EXOC4: variants seen among roughly 807,000 people sequenced by gnomAD.
EXOC4 encodes the protein SEC8-like 1.
Under a neutral mutation model 107.2 loss-of-function variants are expected in EXOC4, and 71 were observed. The ratio of observed to expected loss-of-function variants is 0.66; its 90% CI spans 0.55 to 0.81. EXOC4 has a LOEUF of 0.81. Among genes scored for constraint, EXOC4 ranks in the 30% least tolerant of loss-of-function variants. The probability of loss-of-function intolerance (pLI) is 0.00; values close to 1 mark genes in which losing one functional copy is unlikely to be tolerated. For synonymous variants in EXOC4, 456 were observed against 441.2 expected (o/e 1.03, Z -0.42); for missense variants, 1,108 against 1,189.6 (o/e 0.93, Z 1.01).
chr7:133,421,007 G>A lies in EXOC4; in HGVS notation c.1182+46005G>A, dbSNP rs1343327635. ...CCTTTCCCTTTTACTATTCCATTTTGATGATAGGGGTTGGTGTAAACTAAT... is the reference window on the plus strand; with the variant it reads ...CCTTTCCCTTTTACTATTCCATTTTAATGATAGGGGTTGGTGTAAACTAAT... On this transcript the variant is annotated intron_variant, in intron 7 of 17. Transcript: ENST00000253861. 4.0e-5 allele frequency among the ~76,000 whole-genome samples: 6 copies of A among 151,628 alleles called. No homozygotes were observed. In the East Asian group the frequency reaches 7.8e-4, roughly 20 times the overall value.
intron 9 of EXOC4, among the ~76,000 whole-genome samples, chr7:133,580,716 C>A (rs991421413): frequency 2.0e-5 from 3 of 152,182 alleles, no homozygotes; most frequent in Non-Finnish European, 4.4e-5. Flanking sequence ...TTAATACCTC[C>A]CGCACATATG....
chr7:133,688,860 A>T (rs1272471413), intron 10 of EXOC4, among the ~76,000 whole-genome samples: 2 of 152,178 alleles, frequency 1.3e-5, no homozygotes, highest in East Asian at 1.9e-4. Flanking sequence ...TATCTCATCT[A>T]CTAGTCAGGC....
chr7:134,021,793 C>T lies in EXOC4; in HGVS notation c.2687+13958C>T, dbSNP rs376895308. Among the ~76,000 whole-genome samples, 32 of 149,400 alleles carry T rather than the reference C, an allele frequency of 2.1e-4. No individual in the cohort carries two copies. The East Asian group carries it at 5.7e-3, about 27-fold the overall frequency. ...CTTGATTGACTTCTTTCTCTTGACA[C>T]ACACGGTCAGGGGAAGGAATGGATC... On this transcript the variant is annotated intron_variant, in intron 17 of 17. Transcript: ENST00000253861.
intron 7 of EXOC4, among the ~76,000 whole-genome samples, chr7:133,423,623 G>C (rs1352850676): frequency 1.3e-5 from 2 of 152,202 alleles, no homozygotes; most frequent in South Asian, 4.1e-4. Flanking sequence ...ATAGTGAGAG[G>C]TGACAACGTG....
At chr7:133,541,482 A>G (rs942214726) in intron 9 of EXOC4, among the ~76,000 whole-genome samples, 20 of 152,118 alleles carry the variant, frequency 1.3e-4, no homozygotes, top group African/African-American at 4.6e-4. Context: ...ATTTGTTTTT[A>G]TGTTATGTTA....
At chr7:133,873,842 T>A (rs1253912655) in intron 11 of EXOC4, among the ~76,000 whole-genome samples, 2 of 152,198 alleles carry the variant, frequency 1.3e-5, no homozygotes, top group Non-Finnish European at 2.9e-5. Flanking sequence ...AGCTTTGATA[T>A]TCTGATTTTT....
intron 11 of EXOC4, among the ~76,000 whole-genome samples, chr7:133,823,875 T>A (rs1563014935): frequency 3.2e-4 from 4 of 12,648 alleles, no homozygotes; most frequent in African/African-American, 1.7e-3. Context: ...ATATATATTA[T>A]ATATATATAT....
chr7:134,039,860 A>G (rs1395992188), intron 17 of EXOC4, among the ~76,000 whole-genome samples: 1 of 152,086 alleles, frequency 6.6e-6, no homozygotes, highest in Admixed American at 6.5e-5. Flanking sequence ...TAGCAACTCT[A>G]CTTCCAAGTT....
chr7:134,004,228 T>C (rs1315863516), intron 15 of EXOC4, among the ~76,000 whole-genome samples: 1 of 152,196 alleles, frequency 6.6e-6, no homozygotes, highest in Non-Finnish European at 1.5e-5. Flanking sequence ...AGTTAACTAA[T>C]AAATTATTGT....
chr7:134,025,062 A>G (rs2116444871), intron 17 of EXOC4, among the ~76,000 whole-genome samples: 1 of 152,288 alleles, frequency 6.6e-6, no homozygotes, highest in East Asian at 1.9e-4. Flanking sequence ...CTCATTCTCC[A>G]GCCTTCCTGG....
intron 10 of EXOC4, among the ~76,000 whole-genome samples, chr7:133,641,564 G>A (rs1054793616): frequency 1.3e-5 from 2 of 152,108 alleles, no homozygotes; most frequent in South Asian, 4.1e-4. Flanking sequence ...TGTTTTTGAA[G>A]TTTTAGTACA....
chr7:133,400,774 G>A (rs534491055), intron 7 of EXOC4, among the ~76,000 whole-genome samples: 53 of 152,238 alleles, frequency 3.5e-4, no homozygotes, highest in Admixed American at 2.8e-3. Context: ...GCCCTGTTTT[G>A]TGTTACGTGG....
intron 10 of EXOC4, among the ~76,000 whole-genome samples, chr7:133,738,147 A>G (rs891596516): frequency 2.0e-5 from 3 of 151,802 alleles, no homozygotes; most frequent in Non-Finnish European, 4.4e-5. Flanking sequence ...CCTGACCTCA[A>G]GTGATCCTCC....
At chr7:133,754,261 C>G (rs1369012165) in intron 10 of EXOC4, among the ~76,000 whole-genome samples, 7 of 152,162 alleles carry the variant, frequency 4.6e-5, no homozygotes, top group Non-Finnish European at 1.0e-4. Flanking sequence ...GTGCCTTTCT[C>G]TGAGCTAGAG....
At chr7:133,898,750 A>C (rs1214429046) in intron 12 of EXOC4, among the ~76,000 whole-genome samples, 1 of 146,764 alleles carries the variant, frequency 6.8e-6, no homozygotes, top group African/African-American at 2.5e-5. Flanking sequence ...TGTCTCAAAA[A>C]AAAAAAAAAA....
rs1163767490 is a variant in EXOC4 at position 133,387,930 on chromosome 7, A to G, written c.1182+12928A>G. Among the ~76,000 whole-genome samples, 4 of 152,102 alleles carry G rather than the reference A, an allele frequency of 2.6e-5. No homozygotes were observed. In the East Asian group the frequency reaches 7.7e-4, roughly 29 times the overall value. On this transcript the variant is annotated intron_variant, in intron 7 of 17. Coordinates refer to ENST00000253861, the MANE Select transcript of EXOC4 (RefSeq NM_021807.4). Reference sequence around the variant, plus strand: ...TTCACACAGTTAAGTATAAATGTATAATATGAACAGCACTATAAAGACCTG... The same window carrying G: ...TTCACACAGTTAAGTATAAATGTATGATATGAACAGCACTATAAAGACCTG...
intron 9 of EXOC4, among the ~76,000 whole-genome samples, chr7:133,609,831 G>A (rs368937294): frequency 6.6e-6 from 1 of 152,182 alleles, no homozygotes; most frequent in Non-Finnish European, 1.5e-5. Flanking sequence ...AATTGGCCAC[G>A]ATGGGTGTAG....
intron 10 of EXOC4, among the ~76,000 whole-genome samples, chr7:133,702,968 A>G (rs182719389): frequency 1.3e-5 from 2 of 152,328 alleles, no homozygotes; most frequent in Admixed American, 1.3e-4. Flanking sequence ...TTATTTTGCC[A>G]TCAGTCAATG....
intron 11 of EXOC4, among the ~76,000 whole-genome samples, chr7:133,830,197 T>G (rs574680035): frequency 6.6e-6 from 1 of 152,364 alleles, no homozygotes; most frequent in Non-Finnish European, 1.5e-5. Flanking sequence ...TTCTTCCTTT[T>G]TTTTCCACAA....
Sources: gnomAD v4.1 joint callset for allele counts (sites outside exome capture counted in the v4.1 genomes callset) on GRCh38, gnomAD v4.1.1 for gene constraint, MANE v1.5 for transcripts, NCBI Gene and HGNC (gene_info 2026-07-23, HGNC 2026-07-21) for gene names.